CTNNA3: variants seen among roughly 807,000 people sequenced by gnomAD.
CTNNA3 encodes catenin alpha 3, also known as catenin alpha-3.
Under a neutral mutation model 95.7 loss-of-function variants are expected in CTNNA3, and 76 were observed. That is an observed-to-expected ratio of 0.79 (90% CI 0.66 to 0.96). The LOEUF is 0.96. CTNNA3 is among the 40% of genes least tolerant of loss of function. The probability of loss-of-function intolerance (pLI) is 0.00; values close to 1 mark genes in which losing one functional copy is unlikely to be tolerated. For synonymous variants in CTNNA3, 431 were observed against 374.4 expected (o/e 1.15, Z -1.74); for missense variants, 1,191 against 1,089.8 (o/e 1.09, Z -1.31).
intron 5 of CTNNA3, among the ~76,000 whole-genome samples, chr10:67,285,203 C>G (rs904487011): frequency 2.0e-5 from 3 of 152,148 alleles, no homozygotes; most frequent in Admixed American, 6.6e-5. Context: ...GTCTTTTAAA[C>G]ATTAGAAATT....
At chr10:66,440,680 T>C (rs1027930852) in intron 11 of CTNNA3, among the ~76,000 whole-genome samples, 13 of 152,136 alleles carry the variant, frequency 8.5e-5, no homozygotes, top group African/African-American at 3.1e-4. Flanking sequence ...GTTAAAAGCA[T>C]CAAATCTGGA....
At chr10:66,747,980 C>T (rs190174053) in intron 9 of CTNNA3, among the ~76,000 whole-genome samples, 1 of 152,180 alleles carries the variant, frequency 6.6e-6, no homozygotes, top group East Asian at 1.9e-4. Flanking sequence ...GACAAGAGTC[C>T]AGACTTCTCT....
intron 11 of CTNNA3, among the ~76,000 whole-genome samples, chr10:66,452,169 G>T (rs2093468766): frequency 6.6e-6 from 1 of 152,148 alleles, no homozygotes; most frequent in Non-Finnish European, 1.5e-5. Context: ...TTCAACTTCA[G>T]TAGCATTGAG....
intron 9 of CTNNA3, among the ~76,000 whole-genome samples, chr10:66,744,652 A>G (rs981725872): frequency 3.3e-5 from 5 of 152,194 alleles, no homozygotes; most frequent in Non-Finnish European, 7.3e-5. Context: ...ATTTCAGGAT[A>G]ATGTTATTAT....
At chr10:66,877,965 A>G (rs1050867180) in intron 7 of CTNNA3, among the ~76,000 whole-genome samples, 12 of 152,166 alleles carry the variant, frequency 7.9e-5, no homozygotes, top group Non-Finnish European at 1.5e-5. Flanking sequence ...TGCTTTGTAT[A>G]ATTTACCCAC....
intron 13 of CTNNA3, among the ~76,000 whole-genome samples, chr10:66,127,034 C>T (rs1183864887): frequency 6.6e-6 from 1 of 151,720 alleles, no homozygotes; most frequent in African/African-American, 2.4e-5. Flanking sequence ...TTTGGGAGGC[C>T]GAGGTGGATG....
upstream of CTNNA3, among the ~76,000 whole-genome samples, chr10:67,699,746 C>T (rs1841019515): frequency 6.6e-6 from 1 of 152,220 alleles, no homozygotes; most frequent in Non-Finnish European, 1.5e-5. Flanking sequence ...AGGTTCATCT[C>T]ACTAGGGAGT....
chr10:67,350,910 G>GTGTATATATATA (rs146861544), intron 5 of CTNNA3, among the ~76,000 whole-genome samples: 67 of 141,812 alleles, frequency 4.7e-4, no homozygotes, highest in African/African-American at 1.4e-3. Context: ...AAAAGTATGT[G>GTGTATATATATA]TATATATATA....
chr10:67,052,679 G>A (rs1426368308), intron 7 of CTNNA3: 2 of 152,068 alleles, frequency 1.3e-5, no homozygotes, highest in Non-Finnish European at 2.9e-5. Flanking sequence ...AGGAGGAGGG[G>A]GAAGATGCTA....
At chr10:66,810,994 G>A (rs10762109) in intron 7 of CTNNA3, among the ~76,000 whole-genome samples, 129,738 of 152,212 alleles carry the variant, frequency 0.85, 55,806 homozygotes, top group East Asian at 1. Context: ...TGGAGACTCA[G>A]TTGGGTTTCA....
At chr10:67,467,137 C>T (rs754326653) in intron 5 of CTNNA3, among the ~76,000 whole-genome samples, 15 of 149,130 alleles carry the variant, frequency 1.0e-4, no homozygotes, top group Non-Finnish European at 2.1e-4. Flanking sequence ...GATCTCCTCT[C>T]AAAAAAAAAG....
At chr10:66,717,522 T>C (rs1055722524) in intron 9 of CTNNA3, among the ~76,000 whole-genome samples, 2 of 152,128 alleles carry the variant, frequency 1.3e-5, no homozygotes, top group Non-Finnish European at 2.9e-5. Context: ...AAACGTTCAA[T>C]ACATGTCTGT....
At chr10:66,148,087 T>C (rs925432904) in intron 13 of CTNNA3, among the ~76,000 whole-genome samples, 6 of 152,032 alleles carry the variant, frequency 3.9e-5, no homozygotes, top group African/African-American at 1.4e-4. Flanking sequence ...ATTGCTCAAA[T>C]ATTTTCCTTC....
rs116131915 is a variant in CTNNA3 at position 66,306,714 on chromosome 10, C to T, written c.1733-26093G>A. ...CGCTCTGCAAAAAATGTGTACTTGT[C>T]TGCCCTTGCCAGACAGATAGCAATA... On this transcript the variant is annotated intron_variant, in intron 12 of 17. Coordinates refer to ENST00000433211, the MANE Select transcript of CTNNA3 (RefSeq NM_013266.4). Among the ~76,000 whole-genome samples the T allele has an allele frequency of 7.9e-3, 1,204 of 152,244 alleles. 14 individuals carry two copies. The highest frequency in any genetic ancestry group is 0.028 in the African/African-American group (1,145 of 41,536).
chr10:67,458,223 T>G (rs1189209950), intron 5 of CTNNA3, among the ~76,000 whole-genome samples: 1 of 152,088 alleles, frequency 6.6e-6, no homozygotes, highest in Non-Finnish European at 1.5e-5. Flanking sequence ...TCTTCTTGGA[T>G]GACCCAATTA....
chr10:66,639,906 GT>G (rs1450151875), intron 9 of CTNNA3, among the ~76,000 whole-genome samples: 1 of 151,906 alleles, frequency 6.6e-6, no homozygotes, highest in Non-Finnish European at 1.5e-5. Context: ...CCCTAGGTAA[GT>G]TTAAAAAAAA....
intron 3 of CTNNA3, among the ~76,000 whole-genome samples, chr10:67,561,607 C>T (rs949455758): frequency 6.2e-5 from 9 of 144,644 alleles, no homozygotes; most frequent in African/African-American, 1.0e-4. Context: ...CACATTCAAA[C>T]GCTAGCAGAA....
chr10:66,826,762 G>T (rs758940866), intron 7 of CTNNA3, among the ~76,000 whole-genome samples: 41 of 152,144 alleles, frequency 2.7e-4, no homozygotes, highest in Non-Finnish European at 3.5e-4. Context: ...CAAAGTGATT[G>T]CAGTTTTAGA....
chr10:67,073,882 T>G (rs1856593966), intron 7 of CTNNA3, among the ~76,000 whole-genome samples: 1 of 152,206 alleles, frequency 6.6e-6, no homozygotes, highest in Non-Finnish European at 1.5e-5. Context: ...ATTTTACTGA[T>G]GAGTTAACTT....
Sources: gnomAD v4.1 joint callset for allele counts (sites outside exome capture counted in the v4.1 genomes callset) on GRCh38, gnomAD v4.1.1 for gene constraint, MANE v1.5 for transcripts, NCBI Gene and HGNC (gene_info 2026-07-23, HGNC 2026-07-21) for gene names.